Variants in STEAP1B observed in about 807,000 individuals in gnomAD.
STEAP1B encodes the protein STEAP family member 1B, also known as STEAP family protein MGC87042.
STEAP1B carries 13 observed loss-of-function variants against 27.9 expected under a neutral mutation model. That is an observed-to-expected ratio of 0.47 (90% CI 0.30 to 0.74). The LOEUF is 0.74. STEAP1B is among the 30% of genes least tolerant of loss of function. STEAP1B has a pLI of 0.06. For missense variants in STEAP1B, 250 were observed against 298.7 expected (o/e 0.84, Z 1.20); for synonymous variants, 86 against 107.1 (o/e 0.80, Z 1.22).
intron 4 of STEAP1B, among the ~76,000 whole-genome samples, chr7:22,436,357 C>T (rs1230966714): frequency 6.6e-6 from 1 of 152,102 alleles, no homozygotes; most frequent in Non-Finnish European, 1.5e-5. Context: ...AGATTTCTCC[C>T]ATCATCATTT....
chr7:22,434,084 A>G (rs1372146397), intron 4 of STEAP1B, among the ~76,000 whole-genome samples: 1 of 152,236 alleles, frequency 6.6e-6, no homozygotes, highest in African/African-American at 2.4e-5. Context: ...GTTACTCTCC[A>G]TGAGAACAAA....
intron 1 of STEAP1B, among the ~76,000 whole-genome samples, chr7:22,496,339 T>A (rs1172674962): frequency 6.6e-6 from 1 of 152,200 alleles, no homozygotes; most frequent in East Asian, 1.9e-4. Flanking sequence ...AGAGTTACAG[T>A]AAGCTAAAGT....
chr7:22,433,014 C>T (rs1386770397), intron 4 of STEAP1B, among the ~76,000 whole-genome samples: 4 of 152,182 alleles, frequency 2.6e-5, no homozygotes, highest in Non-Finnish European at 5.9e-5. Flanking sequence ...CCAGCAAATG[C>T]GGCCTGACTG....
chr7:22,492,963 G>T (rs549647940), intron 3 of STEAP1B, among the ~76,000 whole-genome samples: 44 of 151,432 alleles, frequency 2.9e-4, no homozygotes, highest in African/African-American at 1.0e-3. Flanking sequence ...ATAATTATTT[G>T]ATGGTTTACT....
At chr7:22,465,266 T>C (rs1785756926) in intron 4 of STEAP1B, among the ~76,000 whole-genome samples, 1 of 152,064 alleles carries the variant, frequency 6.6e-6, no homozygotes. Context: ...ATGAATTGTT[T>C]ATTTCTGAAA....
chr7:22,443,727 G>A (rs975807377), intron 4 of STEAP1B, among the ~76,000 whole-genome samples: 1 of 152,210 alleles, frequency 6.6e-6, no homozygotes, highest in Non-Finnish European at 1.5e-5. Flanking sequence ...AGCATTGCTG[G>A]CTGTCATGGT....
chr7:22,451,982 T>C (rs1785499134), intron 4 of STEAP1B, among the ~76,000 whole-genome samples: 2 of 152,222 alleles, frequency 1.3e-5, no homozygotes, highest in African/African-American at 4.8e-5. Flanking sequence ...TCTTTAAATG[T>C]TTGGTAGAAT....
At chr7:22,473,037 A>G (rs1785911417) in intron 4 of STEAP1B, among the ~76,000 whole-genome samples, 1 of 152,178 alleles carries the variant, frequency 6.6e-6, no homozygotes, top group South Asian at 2.1e-4. Flanking sequence ...CCCTTCAGAA[A>G]GTTGATCCTG....
Position 22,500,147 on chromosome 7 carries a change from G to C in STEAP1B, c.-65C>G, listed in dbSNP as rs1786512571. The C allele has an allele frequency of 6.5e-6, 1 of 153,560 alleles. No homozygotes were observed. Among genetic ancestry groups the C allele is most frequent in the African/African-American group, 2.4e-5 (1 of 41,494 alleles). The allele number at this position is 153,560 out of a possible 1,614,324, so 9.5% of individuals were successfully genotyped here. A position where few individuals can be genotyped will look rare whatever the true frequency, so the allele number is the denominator to read the frequency against. On this transcript the variant is annotated 5_prime_UTR_variant, in exon 1 of 5. Transcript: ENST00000678116. ...CGCCGTAGCTTGACCGTGAGTCTCA[G>C]CTGCCGCTGCTGCCGGGAGGTGCCG...
intron 4 of STEAP1B, among the ~76,000 whole-genome samples, chr7:22,485,736 T>G (rs151217028): frequency 7.0e-4 from 107 of 152,328 alleles, no homozygotes; most frequent in Middle Eastern, 3.4e-3. Flanking sequence ...TTTCTCTACA[T>G]AGTTTGCGTG....
At chr7:22,438,481 A>G (rs1351137499) in intron 4 of STEAP1B, 2 of 1,546,968 alleles carry the variant, frequency 1.3e-6, no homozygotes, top group Non-Finnish European at 1.7e-6. Flanking sequence ...TCTCACTTTC[A>G]TGCATGCTTA....
At chr7:22,454,739 C>T (rs28731333) in intron 4 of STEAP1B, among the ~76,000 whole-genome samples, 5,669 of 129,868 alleles carry the variant, frequency 0.044, 357 homozygotes, top group African/African-American at 0.15. Context: ...GTAAGCACAG[C>T]GGAACCAGGA....
At chr7:22,495,438 G>A (rs771644675) in intron 1 of STEAP1B, 2 of 152,158 alleles carry the variant, frequency 1.3e-5, no homozygotes, top group African/African-American at 2.4e-5. Flanking sequence ...TGGGAATGGT[G>A]AGTTGTGCTG....
chr7:22,456,146 CAA>C (rs149210913), intron 4 of STEAP1B, among the ~76,000 whole-genome samples: 2 of 137,978 alleles, frequency 1.4e-5, no homozygotes. Flanking sequence ...GACTCCATCT[CAA>C]AAAAAAAAAA....
At chr7:22,498,038 A>G (rs776879294) in intron 1 of STEAP1B, among the ~76,000 whole-genome samples, 39 of 152,182 alleles carry the variant, frequency 2.6e-4, no homozygotes, top group Non-Finnish European at 5.1e-4. Flanking sequence ...GGTCCCTTGC[A>G]TGTGCAGTTT....
At chr7:22,473,202 T>G (rs1378621658) in intron 4 of STEAP1B, among the ~76,000 whole-genome samples, 1 of 152,150 alleles carries the variant, frequency 6.6e-6, no homozygotes, top group African/African-American at 2.4e-5. Context: ...TCAGATGTTT[T>G]GCAAGGAGAA....
chr7:22,457,149 G>T, intron 4 of STEAP1B, among the ~76,000 whole-genome samples: 1 of 151,192 alleles, frequency 6.6e-6, no homozygotes, highest in East Asian at 1.9e-4. Context: ...CCACCAATTA[G>T]AGATCTGGGT....
intron 4 of STEAP1B, among the ~76,000 whole-genome samples, chr7:22,437,993 A>G (rs1785275718): frequency 6.6e-6 from 1 of 152,228 alleles, no homozygotes; most frequent in Admixed American, 6.5e-5. Context: ...ACTCTAACAT[A>G]CATTGGACAT....
chr7:22,451,896 G>A (rs535662914), intron 4 of STEAP1B, among the ~76,000 whole-genome samples: 1 of 152,230 alleles, frequency 6.6e-6, no homozygotes, highest in South Asian at 2.1e-4. Context: ...AGTAATACTG[G>A]CCTCTTAGAA....
Sources: gnomAD v4.1 joint callset for allele counts (sites outside exome capture counted in the v4.1 genomes callset) on GRCh38, gnomAD v4.1.1 for gene constraint, MANE v1.5 for transcripts, NCBI Gene and HGNC (gene_info 2026-07-23, HGNC 2026-07-21) for gene names.